The following CARMIL1 variants were observed in gnomAD, a reference collection of about 807,000 sequenced individuals.
CARMIL1 encodes the protein capping protein regulator and myosin 1 linker 1.
In CARMIL1, 90 loss-of-function variants were observed where a neutral mutation model predicts 177.1. The ratio of observed to expected loss-of-function variants is 0.51; its 90% confidence interval spans 0.43 to 0.61. The LOEUF is 0.61. Among genes scored for constraint, CARMIL1 ranks in the 20% least tolerant of loss-of-function variants. The pLI, the probability that CARMIL1 is intolerant of heterozygous loss-of-function variation, is 0.00. For synonymous variants in CARMIL1, 577 were observed against 606.2 expected (o/e 0.95, Z 0.71); for missense variants, 1,380 against 1,667.0 (o/e 0.83, Z 3.00).
chr6:25,538,050 G>A (rs74594529), intron 25 of CARMIL1, 67 bp downstream of exon 25: 2 of 1,488,974 alleles, frequency 1.3e-6, no homozygotes, highest in East Asian at 4.9e-5. Context: ...TTTAGTTTTA[G>A]AAACCAGTTT....
At chr6:25,448,916 C>CTTTTTTTTTTTTTTT (rs36000360) in intron 5 of CARMIL1, among the ~76,000 whole-genome samples, 1 of 126,456 alleles carries the variant, frequency 7.9e-6, no homozygotes. Context: ...AGGGATTCTT[C>CTTTTTTTTTTTTTTT]TTTTTTTTTT....
intron 29 of CARMIL1, among the ~76,000 whole-genome samples, chr6:25,578,151 C>G: frequency 6.6e-6 from 1 of 152,122 alleles, no homozygotes; most frequent in East Asian, 1.9e-4. Context: ...CCCCCTTCAT[C>G]TGATGGACAC....
intron 2 of CARMIL1, among the ~76,000 whole-genome samples, chr6:25,334,683 T>G (rs1256639467): frequency 1.3e-5 from 2 of 152,236 alleles, no homozygotes; most frequent in African/African-American, 4.8e-5. Flanking sequence ...TTGGTAGATA[T>G]TTATCTTGTG....
chr6:25,471,400 C>G, intron 10 of CARMIL1, 143 bp downstream of exon 10: 3 of 561,412 alleles, frequency 5.3e-6, no homozygotes, highest in Non-Finnish European at 9.2e-6. Flanking sequence ...AAAAATATCC[C>G]TATAATTGCC....
At chr6:25,290,099 A>G (rs1388007233) in intron 2 of CARMIL1, among the ~76,000 whole-genome samples, 4 of 151,892 alleles carry the variant, frequency 2.6e-5, no homozygotes, top group Non-Finnish European at 5.9e-5. Context: ...CATTGTCTGG[A>G]CTTCTTTTTT....
chr6:25,318,590 C>G (rs1784446448), intron 2 of CARMIL1, among the ~76,000 whole-genome samples: 1 of 152,172 alleles, frequency 6.6e-6, no homozygotes, highest in African/African-American at 2.4e-5. Context: ...CCTCGTACCT[C>G]AAGTTTTCTA....
intron 2 of CARMIL1, among the ~76,000 whole-genome samples, chr6:25,312,729 C>T (rs910074983): frequency 2.9e-4 from 44 of 151,330 alleles, no homozygotes; most frequent in African/African-American, 8.9e-4. Context: ...TTTCCATCCC[C>T]CCCACTTTCA....
chr6:25,344,242 T>C (rs566907153), intron 2 of CARMIL1, among the ~76,000 whole-genome samples: 26 of 152,264 alleles, frequency 1.7e-4, no homozygotes, highest in African/African-American at 6.0e-4. Context: ...ACCTCAATAG[T>C]CCATTGATCC....
intron 2 of CARMIL1, among the ~76,000 whole-genome samples, chr6:25,365,421 G>GCTGT (rs1789675617): frequency 1.3e-5 from 2 of 152,316 alleles, no homozygotes; most frequent in South Asian, 4.1e-4. Flanking sequence ...CAGGCAAGAA[G>GCTGT]CTGTCAGTGC....
chr6:25,600,130 A>T (rs1282042723), intron 32 of CARMIL1, among the ~76,000 whole-genome samples, 184 bp from the exon 33 acceptor site: 1 of 152,156 alleles, frequency 6.6e-6, no homozygotes, highest in Non-Finnish European at 1.5e-5. Context: ...TTCTCACGTG[A>T]ATATGATAAT....
rs1307011805 is a variant in CARMIL1 at position 25,326,831 on chromosome 6, A to C, written c.138+41922A>C. 1.3e-5 allele frequency among the ~76,000 whole-genome samples: 2 copies of C among 151,894 alleles called. No individual in the cohort carries two copies. The highest frequency in any genetic ancestry group is 4.8e-5 in the African/African-American group (2 of 41,250). On this transcript the variant is annotated intron_variant, in intron 2 of 36. Transcript: ENST00000329474. This position sits in a 1 kb window ranked among gnomAD's most constrained non-coding sequence, Gnocchi z 4.2. ...AATCAGAAATATTATTATTATTATT[A>C]ATGTTTCAAGACGGAATCCCACTGT...
chr6:25,587,546 G>A (rs1242116790), intron 31 of CARMIL1, among the ~76,000 whole-genome samples: 1 of 152,108 alleles, frequency 6.6e-6, no homozygotes, highest in Non-Finnish European at 1.5e-5. Context: ...TTCAAAGCTA[G>A]TATTTCCATT....
intron 2 of CARMIL1, among the ~76,000 whole-genome samples, chr6:25,366,547 T>C (rs1789829559): frequency 6.6e-6 from 1 of 151,734 alleles, no homozygotes; most frequent in African/African-American, 2.4e-5. Flanking sequence ...TGTTTTCTCT[T>C]TCCTAGAATG....
intron 2 of CARMIL1, among the ~76,000 whole-genome samples, chr6:25,372,656 G>A (rs567955385): frequency 1.2e-4 from 18 of 151,944 alleles, no homozygotes; most frequent in Non-Finnish European, 2.4e-4. Flanking sequence ...GAGTCTTTAG[G>A]GTTTTCTAGG....
At chr6:25,299,962 G>T (rs1292956827) in intron 2 of CARMIL1, among the ~76,000 whole-genome samples, 1 of 146,488 alleles carries the variant, frequency 6.8e-6, no homozygotes, top group Non-Finnish European at 1.5e-5. Flanking sequence ...TGGGGCGACA[G>T]AGTGAGACTC....
chr6:25,298,343 GTTGTT>G (rs2150164435), intron 2 of CARMIL1, among the ~76,000 whole-genome samples: 1 of 152,326 alleles, frequency 6.6e-6, no homozygotes, highest in African/African-American at 2.4e-5. Context: ...CAAGGTACAT[GTTGTT>G]ATGTTTTCTC....
intron 2 of CARMIL1, among the ~76,000 whole-genome samples, chr6:25,313,587 C>T (rs9379754): frequency 1.3e-5 from 2 of 150,828 alleles, no homozygotes; most frequent in Non-Finnish European, 2.9e-5. Context: ...CCAGGGCCAC[C>T]GCTAACTAGT....
chr6:25,441,337 A>ATATATATATATATATATATGTG lies in CARMIL1; in HGVS notation c.371+5734_371+5735insATATATATATATATATATGTGT. ...CAAACAAACATATATATATATATAT[A>ATATATATATATATATATATGTG]TGTGTGTGTGTGTGTGTGTGTGTGT... is the stretch of plus-strand genomic sequence containing the variant. On this transcript the variant is annotated intron_variant, in intron 5 of 36. Transcript: ENST00000329474. Among the ~76,000 whole-genome samples the ATATATATATATATATATATGTG allele has an allele frequency of 4.1e-4, 39 of 94,526 alleles. No homozygotes were observed. The South Asian group carries it at 4.1e-3, about 10-fold the overall frequency. 62.0% of individuals were successfully genotyped at this position (94,526 alleles called of 152,430 possible).
intron 8 of CARMIL1, chr6:25,451,986 G>GCTCCCCCCC: frequency 4.4e-5 from 5 of 112,670 alleles, no homozygotes; most frequent in East Asian, 2.0e-4. Context: ...CTAGCATCTT[G>GCTCCCCCCC]CCCCCCCCTC....
Sources: gnomAD v4.1 joint callset for allele counts (sites outside exome capture counted in the v4.1 genomes callset) on GRCh38, gnomAD v4.1.1 for gene constraint, Gnocchi (gnomAD v3.1) non-coding constraint, MANE v1.5 for transcripts, NCBI Gene and HGNC (gene_info 2026-07-23, HGNC 2026-07-21) for gene names.